The following METTL15 variants were observed in gnomAD, a reference collection of about 807,000 sequenced individuals.
METTL15 encodes the protein 12S rRNA N(4)-cytidine methyltransferase METTL15.
Under a neutral mutation model 38.3 loss-of-function variants are expected in METTL15, and 34 were observed. That is an observed-to-expected ratio of 0.89 (90% confidence interval 0.68 to 1.18). METTL15 has a LOEUF of 1.18. Among genes scored for constraint, METTL15 ranks in the 50% most tolerant of loss-of-function variants. The probability of loss-of-function intolerance (pLI) is 0.00; values close to 1 mark genes in which losing one functional copy is unlikely to be tolerated. For synonymous variants in METTL15, 162 were observed against 170.9 expected (o/e 0.95, Z 0.41); for missense variants, 438 against 498.4 (o/e 0.88, Z 1.15).
At chr11:28,512,978 G>A (rs1851688699) in intron 6 of METTL15, among the ~76,000 whole-genome samples, 1 of 152,232 alleles carries the variant, frequency 6.6e-6, no homozygotes, top group African/African-American at 2.4e-5. Flanking sequence ...AAGAGAAAGA[G>A]GAGGGATTGG....
intron 6 of METTL15, among the ~76,000 whole-genome samples, chr11:28,460,679 C>G (rs1172517099): frequency 1.3e-5 from 2 of 151,910 alleles, no homozygotes; most frequent in Non-Finnish European, 2.9e-5. Context: ...AGAAGTAGAT[C>G]AAAGATAAAT....
At chr11:28,177,920 G>C (rs1244876504) in intron 3 of METTL15, among the ~76,000 whole-genome samples, 1 of 151,892 alleles carries the variant, frequency 6.6e-6, no homozygotes, top group African/African-American at 2.4e-5. Flanking sequence ...AAGGCTATGG[G>C]ACAAAATTGA....
chr11:28,260,616 C>A (rs182722887), intron 4 of METTL15, among the ~76,000 whole-genome samples: 1 of 152,096 alleles, frequency 6.6e-6, no homozygotes, highest in African/African-American at 2.4e-5. Flanking sequence ...GAGCTACTAC[C>A]CCCAGTCTCT....
chr11:28,443,501 T>C (rs1282103216), intron 6 of METTL15, among the ~76,000 whole-genome samples: 3 of 152,064 alleles, frequency 2.0e-5, no homozygotes, highest in African/African-American at 7.3e-5. Flanking sequence ...CTCTCATCTG[T>C]CCCTTGAACT....
At chr11:28,473,759 T>C (rs1851321061) in intron 6 of METTL15, among the ~76,000 whole-genome samples, 1 of 152,038 alleles carries the variant, frequency 6.6e-6, no homozygotes, top group Non-Finnish European at 1.5e-5. Context: ...ACCTTATCTT[T>C]CTCCTTGGCC....
intron 5 of METTL15, among the ~76,000 whole-genome samples, chr11:28,376,404 C>G (rs1173263088): frequency 6.6e-6 from 1 of 151,910 alleles, no homozygotes; most frequent in Non-Finnish European, 1.5e-5. Flanking sequence ...GAATTGATCC[C>G]TTTACCATTA....
chr11:28,460,817 G>C (rs1851207664), intron 6 of METTL15, among the ~76,000 whole-genome samples: 1 of 152,082 alleles, frequency 6.6e-6, no homozygotes, highest in Non-Finnish European at 1.5e-5. Context: ...AGGTTTCCTA[G>C]TTAAGAGGTG....
intron 5 of METTL15, among the ~76,000 whole-genome samples, chr11:28,378,909 C>T (rs79264129): frequency 0.025 from 3,816 of 151,634 alleles, 160 homozygotes; most frequent in African/African-American, 0.087. Flanking sequence ...ACTAGTTATT[C>T]GTTTGGTGAG....
chr11:28,357,103 G>A (rs1245491125), intron 4 of METTL15, among the ~76,000 whole-genome samples: 2 of 152,198 alleles, frequency 1.3e-5, no homozygotes, highest in Non-Finnish European at 2.9e-5. Context: ...TTCGTAGGCA[G>A]AACATTTGCT....
intron 5 of METTL15, among the ~76,000 whole-genome samples, chr11:28,398,104 G>C (rs1049469854): frequency 1.3e-5 from 2 of 152,026 alleles, no homozygotes; most frequent in Non-Finnish European, 1.5e-5. Flanking sequence ...GGGGGGAGGT[G>C]GGAAGGATAG....
intron 6 of METTL15, among the ~76,000 whole-genome samples, chr11:28,461,980 T>C (rs1022752319): frequency 6.6e-6 from 1 of 151,118 alleles, no homozygotes; most frequent in Non-Finnish European, 1.5e-5. Context: ...ATTCAGTTCA[T>C]TCAATTCAAC....
chr11:28,496,883 C>T (rs1001853447), intron 6 of METTL15, among the ~76,000 whole-genome samples: 1 of 152,176 alleles, frequency 6.6e-6, no homozygotes. Context: ...TCCAGTCTTT[C>T]CTAGCCAAAT....
intron 3 of METTL15, among the ~76,000 whole-genome samples, chr11:28,177,714 C>T (rs1173447424): frequency 6.6e-6 from 1 of 151,850 alleles, no homozygotes; most frequent in African/African-American, 2.4e-5. Flanking sequence ...GCGTTGGTTT[C>T]CTCATCTGAT....
At chr11:28,293,986 A>C (rs1363670099) in intron 5 of METTL15, among the ~76,000 whole-genome samples, 2 of 152,168 alleles carry the variant, frequency 1.3e-5, no homozygotes, top group Non-Finnish European at 2.9e-5. Context: ...TAGATATACA[A>C]TCATGTCATC....
At chr11:28,281,931 G>C (rs1590258130) in intron 4 of METTL15, among the ~76,000 whole-genome samples, 1 of 152,170 alleles carries the variant, frequency 6.6e-6, no homozygotes, top group African/African-American at 2.4e-5. Flanking sequence ...ATTTTAAAAG[G>C]GTTACTGAGT....
chr11:28,150,850 A>G (rs1319883223), intron 3 of METTL15, among the ~76,000 whole-genome samples: 2 of 151,722 alleles, frequency 1.3e-5, no homozygotes, highest in African/African-American at 4.8e-5. Context: ...ATGAACCTGA[A>G]ACTGTTCCAG....
chr11:28,114,536 C>T (rs1485524396), intron 3 of METTL15, among the ~76,000 whole-genome samples: 2 of 150,618 alleles, frequency 1.3e-5, no homozygotes, highest in Non-Finnish European at 1.5e-5. Context: ...CTGCAACCCC[C>T]GCCTCCTGGG....
chr11:28,293,964 G>A (rs375373703), intron 5 of METTL15, among the ~76,000 whole-genome samples: 131 of 152,184 alleles, frequency 8.6e-4, no homozygotes, highest in African/African-American at 2.6e-3. Flanking sequence ...GGGCTGAGAC[G>A]ATGGGGTTTT....
chr11:28,389,663 G>A (rs1457041893), intron 5 of METTL15, among the ~76,000 whole-genome samples: 1 of 151,700 alleles, frequency 6.6e-6, no homozygotes, highest in Non-Finnish European at 1.5e-5. Flanking sequence ...CCAGGTCTTT[G>A]CTATTGTGAA....
Sources: allele counts gnomAD v4.1 joint callset (sites outside exome capture counted in the v4.1 genomes callset), GRCh38; gene constraint gnomAD v4.1.1; transcripts MANE v1.5; gene names NCBI Gene and HGNC (gene_info 2026-07-23, HGNC 2026-07-21).